The following DCC variants were observed in gnomAD, a reference collection of about 807,000 sequenced individuals.
DCC encodes the protein netrin receptor DCC.
DCC carries 58 observed loss-of-function variants against 172.5 expected under a neutral mutation model. The observed-to-expected ratio is 0.34, with a 90% CI of 0.27 to 0.42. The LOEUF (loss-of-function observed/expected upper bound fraction) is 0.42. DCC is among the 10% of genes least tolerant of loss of function. DCC has a pLI of 1.00. For synonymous variants in DCC, 709 were observed against 644.5 expected (o/e 1.10, Z -1.52); for missense variants, 1,740 against 1,791.0 (o/e 0.97, Z 0.51).
chr18:53,522,617 C>T (rs190183200), intron 27 of DCC, among the ~76,000 whole-genome samples: 15 of 152,182 alleles, frequency 9.9e-5, no homozygotes, highest in East Asian at 5.8e-4. Context: ...CATCACCACA[C>T]GCCTACAACC....
chr18:53,003,039 G>A (rs1199239040), intron 5 of DCC, among the ~76,000 whole-genome samples: 2 of 152,070 alleles, frequency 1.3e-5, no homozygotes, highest in Non-Finnish European at 2.9e-5. Context: ...GGAGCCAAGG[G>A]TACATAGCTT....
chr18:52,981,765 T>C (rs2041214197), intron 5 of DCC, among the ~76,000 whole-genome samples: 1 of 152,200 alleles, frequency 6.6e-6, no homozygotes, highest in Non-Finnish European at 1.5e-5. Flanking sequence ...TACATTTTTC[T>C]TGGCATGTTG....
chr18:52,497,273 AAAAAAAAATATATATATAT>A (rs1455075662), intron 1 of DCC, among the ~76,000 whole-genome samples: 1 of 86,506 alleles, frequency 1.2e-5, no homozygotes, highest in East Asian at 3.1e-4. Context: ...AAAAAAAAAA[AAAAAAAAATATATATATAT>A]ATATATATAT....
At chr18:52,869,784 C>T (rs919620363) in intron 2 of DCC, among the ~76,000 whole-genome samples, 10 of 152,172 alleles carry the variant, frequency 6.6e-5, no homozygotes, top group African/African-American at 1.2e-4. Flanking sequence ...TGTGACAGCC[C>T]GGGCTTGGCC....
chr18:52,813,688 G>C (rs1479061129), intron 2 of DCC, among the ~76,000 whole-genome samples: 2 of 152,330 alleles, frequency 1.3e-5, no homozygotes, highest in South Asian at 4.1e-4. Flanking sequence ...TAACAGTTGA[G>C]TCAGTCAACT....
At chr18:53,267,923 G>T (rs1421060264) in intron 12 of DCC, among the ~76,000 whole-genome samples, 1 of 152,088 alleles carries the variant, frequency 6.6e-6, no homozygotes, top group African/African-American at 2.4e-5. Flanking sequence ...ACTTCTAAAG[G>T]AGATCCTTTT....
At chr18:52,816,442 G>T (rs2038297979) in intron 2 of DCC, among the ~76,000 whole-genome samples, 1 of 152,184 alleles carries the variant, frequency 6.6e-6, no homozygotes, top group South Asian at 2.1e-4. Context: ...TCCTTTTCAA[G>T]GTGGCGGAGC....
chr18:53,387,091 G>A (rs189147152), intron 16 of DCC, among the ~76,000 whole-genome samples: 2 of 152,152 alleles, frequency 1.3e-5, no homozygotes, highest in Admixed American at 1.3e-4. Context: ...AGCAAGCATC[G>A]GAGAACGTGA....
rs1439653926 is a variant in DCC, at chr18:52,951,103, C to T, written c.985+25733C>T. 2.6e-5 allele frequency among the ~76,000 whole-genome samples: 4 copies of T among 152,002 alleles called. No homozygotes were observed. The South Asian group carries it at 6.2e-4, about 24-fold the overall frequency. ...TCCTGCATTGCCAGCAAGCTAGAAG[C>T]CACTGTTCGGTAATGTTTCAGTTGA... On this transcript the variant is annotated intron_variant, in intron 5 of 28. Transcript: ENST00000442544.
At chr18:53,085,937 C>A in intron 7 of DCC, among the ~76,000 whole-genome samples, 1 of 148,888 alleles carries the variant, frequency 6.7e-6, no homozygotes, top group Non-Finnish European at 1.5e-5. Flanking sequence ...TCTGTCATTT[C>A]AGCTTTGGTG....
intron 3 of DCC, among the ~76,000 whole-genome samples, chr18:52,908,065 C>T (rs1025500243): frequency 3.9e-5 from 6 of 152,192 alleles, no homozygotes; most frequent in African/African-American, 1.4e-4. Flanking sequence ...CCAAAAAAGG[C>T]ACACACTGGA....
intron 1 of DCC, among the ~76,000 whole-genome samples, chr18:52,740,039 T>C (rs1470674826): frequency 6.6e-6 from 1 of 152,200 alleles, no homozygotes; most frequent in Non-Finnish European, 1.5e-5. Context: ...AGTAGAGGCA[T>C]GCATATTTCT....
chr18:53,401,159 G>A (rs36068098), intron 18 of DCC, among the ~76,000 whole-genome samples: 16,764 of 151,956 alleles, frequency 0.11, 1,257 homozygotes, highest in East Asian at 0.29. Context: ...AAGAATGTCC[G>A]GATATGGTTT....
At chr18:53,481,798 A>G (rs777571049) in intron 25 of DCC, among the ~76,000 whole-genome samples, 50 of 152,138 alleles carry the variant, frequency 3.3e-4, no homozygotes, top group Non-Finnish European at 5.3e-4. Flanking sequence ...ATTTTAGAAT[A>G]TTATGGAAGT....
At chr18:52,642,713 G>C (rs1307007677) in intron 1 of DCC, among the ~76,000 whole-genome samples, 1 of 151,694 alleles carries the variant, frequency 6.6e-6, no homozygotes, top group Non-Finnish European at 1.5e-5. Flanking sequence ...GCTCAGGCTG[G>C]AGTGCAATGG....
intron 5 of DCC, among the ~76,000 whole-genome samples, chr18:52,931,325 A>G (rs947935964): frequency 6.6e-6 from 1 of 152,158 alleles, no homozygotes; most frequent in African/African-American, 2.4e-5. Context: ...TTTACTTTTC[A>G]TAATTTTTAA....
chr18:52,815,310 C>T lies in DCC; in HGVS notation c.412+62936C>T, dbSNP rs551070749. ...GCCTATAAGGAGTTGATAAATGTTA[C>T]ATGAGGTCATAAGAGTGGGTCCCTA... On this transcript the variant is annotated intron_variant, in intron 2 of 28. Coordinates refer to ENST00000442544, the MANE Select transcript of DCC (RefSeq NM_005215.4). 2.0e-5 allele frequency among the ~76,000 whole-genome samples: 3 copies of T among 152,182 alleles called. No individual in the cohort carries two copies. In the East Asian group the frequency reaches 5.8e-4, roughly 30 times the overall value.
chr18:52,957,119 A>G (rs954270752), intron 5 of DCC, among the ~76,000 whole-genome samples: 1 of 152,190 alleles, frequency 6.6e-6, no homozygotes, highest in African/African-American at 2.4e-5. Flanking sequence ...GATATGTGAA[A>G]GGATATGTTG....
intron 1 of DCC, among the ~76,000 whole-genome samples, chr18:52,655,719 A>G (rs938654052): frequency 2.0e-5 from 3 of 152,158 alleles, no homozygotes; most frequent in Admixed American, 1.3e-4. Context: ...TTTTTCTCCA[A>G]TAGAAGCATA....
Sources: gnomAD v4.1 joint callset for allele counts (sites outside exome capture counted in the v4.1 genomes callset) on GRCh38, gnomAD v4.1.1 for gene constraint, MANE v1.5 for transcripts, NCBI Gene and HGNC (gene_info 2026-07-23, HGNC 2026-07-21) for gene names.